The following HYCC1 variants were observed in gnomAD, a reference collection of about 807,000 sequenced individuals.
HYCC1 encodes the protein hyccin PI4KA lipid kinase complex subunit 1, also known as hyccin.
the HYCC1 span, among the ~76,000 whole-genome samples, chr7:22,969,224 G>C: frequency 6.6e-6 from 1 of 151,812 alleles, no homozygotes. Flanking sequence ...GCCCAGGCTG[G>C]AGTGCAGTGG....
the HYCC1 span, among the ~76,000 whole-genome samples, chr7:22,929,920 T>C: frequency 6.6e-6 from 1 of 152,088 alleles, no homozygotes; most frequent in Non-Finnish European, 1.5e-5. Context: ...CTATTCACAA[T>C]AGCAAAGACT....
At chr7:23,005,152 T>G in the HYCC1 span, among the ~76,000 whole-genome samples, 2 of 152,142 alleles carry the variant, frequency 1.3e-5, no homozygotes, top group Non-Finnish European at 2.9e-5. Context: ...ATATTCCTCT[T>G]ATAAGCCCCC....
chr7:22,964,617 G>T, the HYCC1 span: 1 of 742,692 alleles, frequency 1.3e-6, no homozygotes, highest in South Asian at 1.5e-5. Flanking sequence ...CAATGTACTA[G>T]GTACACTTTC....
chr7:22,989,007 T>C, the HYCC1 span, among the ~76,000 whole-genome samples: 5,839 of 152,056 alleles, frequency 0.038, 377 homozygotes, highest in African/African-American at 0.13. Context: ...AACAAACAGA[T>C]GGAAAGGGAA....
At chr7:22,947,003 G>A in the HYCC1 span, 1 of 1,549,738 alleles carries the variant, frequency 6.5e-7, no homozygotes, top group Non-Finnish European at 8.7e-7. Flanking sequence ...TGCCAGGTGA[G>A]TTTATTCCAT....
chr7:22,928,680 TAA>T, the HYCC1 span, among the ~76,000 whole-genome samples: 1 of 151,950 alleles, frequency 6.6e-6, no homozygotes, highest in African/African-American at 2.4e-5. Flanking sequence ...CTCAACGAAA[TAA>T]AAGAGGATAC....
At chr7:22,994,658 C>T in the HYCC1 span, among the ~76,000 whole-genome samples, 2 of 152,150 alleles carry the variant, frequency 1.3e-5, no homozygotes, top group African/African-American at 4.8e-5. Context: ...GTTTAGCACG[C>T]ATGCAAGCTC....
the HYCC1 span, among the ~76,000 whole-genome samples, chr7:22,908,967 G>A: frequency 6.6e-6 from 1 of 152,180 alleles, no homozygotes; most frequent in East Asian, 1.9e-4. Context: ...GCTCAGATGA[G>A]CTTTCCTGGT....
At chr7:23,010,262 T>C in the HYCC1 span, among the ~76,000 whole-genome samples, 1 of 152,196 alleles carries the variant, frequency 6.6e-6, no homozygotes, top group Non-Finnish European at 1.5e-5. Flanking sequence ...CTGAATTCCA[T>C]TCACTTCTAT....
the HYCC1 span, among the ~76,000 whole-genome samples, chr7:22,970,391 C>G: frequency 6.6e-6 from 1 of 152,306 alleles, no homozygotes; most frequent in African/African-American, 2.4e-5. Context: ...TTCACTCATT[C>G]AACAGTTATT....
chr7:22,911,390 A>G, the HYCC1 span, among the ~76,000 whole-genome samples: 1 of 152,328 alleles, frequency 6.6e-6, no homozygotes, highest in East Asian at 1.9e-4. Flanking sequence ...AACTTCAGCA[A>G]TGTCTTTGGC....
chr7:22,941,237 G>C, the HYCC1 span: 1 of 152,014 alleles, frequency 6.6e-6, no homozygotes, highest in African/African-American at 2.4e-5. Context: ...TTTTTTAAAT[G>C]AGTAAACTGA....
At chr7:23,007,615 A>C in the HYCC1 span, among the ~76,000 whole-genome samples, 1 of 151,560 alleles carries the variant, frequency 6.6e-6, no homozygotes, top group Non-Finnish European at 1.5e-5. Context: ...CTTCTCTCTC[A>C]GTCTCTCTTT....
the HYCC1 span, chr7:22,964,449 T>C: frequency 3.7e-6 from 6 of 1,606,994 alleles, no homozygotes; most frequent in Non-Finnish European, 4.3e-6. Flanking sequence ...ATTTGCACCA[T>C]GAATCCTGAA....
chr7:22,976,549 ATC>A, the HYCC1 span: 5 of 695,824 alleles, frequency 7.2e-6, no homozygotes, highest in Admixed American at 4.4e-5. Flanking sequence ...ACAAATCTAG[ATC>A]TGTTTTTCTC....
chr7:22,997,026 A>T, the HYCC1 span, among the ~76,000 whole-genome samples: 1 of 152,216 alleles, frequency 6.6e-6, no homozygotes, highest in Non-Finnish European at 1.5e-5. Context: ...TTAAAATTAC[A>T]TTAGAAGGCT....
chr7:22,961,458 T>C, the HYCC1 span: 3 of 535,830 alleles, frequency 5.6e-6, no homozygotes, highest in African/African-American at 3.9e-5. Flanking sequence ...CTCTTAAAAA[T>C]GTATCTTTAA....
the HYCC1 span, among the ~76,000 whole-genome samples, chr7:22,960,916 T>A: frequency 2.0e-5 from 3 of 152,204 alleles, no homozygotes; most frequent in Admixed American, 1.3e-4. Context: ...CTGGGCATGG[T>A]GGCACGTGCC....
the HYCC1 span, among the ~76,000 whole-genome samples, chr7:22,925,464 A>G: frequency 6.6e-6 from 1 of 152,216 alleles, no homozygotes; most frequent in African/African-American, 2.4e-5. Flanking sequence ...TAACTAGAAT[A>G]ACCAATGCAG....
Sources: gnomAD v4.1 joint callset for allele counts (sites outside exome capture counted in the v4.1 genomes callset) on GRCh38, gnomAD v4.1.1 for gene constraint, MANE v1.5 for transcripts, NCBI Gene and HGNC (gene_info 2026-07-23, HGNC 2026-07-21) for gene names.